Variants in LHFPL4 observed in about 807,000 individuals in gnomAD.
LHFPL4 encodes LHFPL tetraspan subfamily member 4 protein.
A neutral mutation model predicts 20.0 loss-of-function variants in LHFPL4; 6 were observed. The ratio of observed to expected loss-of-function variants is 0.30; its 90% confidence interval spans 0.16 to 0.59. The LOEUF (loss-of-function observed/expected upper bound fraction) is 0.59. LHFPL4 is among the 20% of genes least tolerant of loss of function. The pLI is 0.88. For synonymous variants in LHFPL4, 129 were observed against 143.8 expected, an observed-to-expected ratio of 0.90 and a Z score of 0.74; for missense variants, 215 against 331.2, an observed-to-expected ratio of 0.65 and a Z score of 2.72.
intron 2 of LHFPL4, among the ~76,000 whole-genome samples, chr3:9,514,803 G>T (rs1364849645): frequency 2.0e-5 from 3 of 152,074 alleles, no homozygotes; most frequent in Non-Finnish European, 2.9e-5. Context: ...TGCATTTAAG[G>T]TTCCTCCATA....
intron 2 of LHFPL4, among the ~76,000 whole-genome samples, chr3:9,540,326 T>C (rs558473463): frequency 6.6e-6 from 1 of 152,194 alleles, no homozygotes; most frequent in Non-Finnish European, 1.5e-5. Context: ...ACCAAATGTT[T>C]AGTATATTAC....
chr3:9,528,654 C>T (rs1203387098), intron 2 of LHFPL4, among the ~76,000 whole-genome samples: 2 of 152,254 alleles, frequency 1.3e-5, no homozygotes, highest in Admixed American at 6.5e-5. Context: ...CTTGCTCTGT[C>T]GCCCAGGCTG....
intron 2 of LHFPL4, among the ~76,000 whole-genome samples, chr3:9,514,524 A>G (rs1187024031): frequency 3.9e-5 from 6 of 152,244 alleles, no homozygotes; most frequent in Non-Finnish European, 7.3e-5. Context: ...CAAAGATCAT[A>G]GCTCACATTA....
chr3:9,538,702 C>CTT (rs35357177), intron 2 of LHFPL4, among the ~76,000 whole-genome samples: 3 of 140,108 alleles, frequency 2.1e-5, no homozygotes, highest in East Asian at 2.1e-4. Flanking sequence ...GGTTTTCTTT[C>CTT]TTTTTTTTTT....
chr3:9,530,444 T>C (rs1217397276), intron 2 of LHFPL4, among the ~76,000 whole-genome samples: 1 of 152,226 alleles, frequency 6.6e-6, no homozygotes, highest in Non-Finnish European at 1.5e-5. Flanking sequence ...CTTCTGCAGC[T>C]TCCTCACCTC....
intron 2 of LHFPL4, among the ~76,000 whole-genome samples, chr3:9,518,235 G>T (rs1160765885): frequency 1.3e-5 from 2 of 152,020 alleles, no homozygotes; most frequent in African/African-American, 4.8e-5. Context: ...GCTAAACCAG[G>T]TTGGCATACT....
Position 9,541,630 on chromosome 3 carries a change from A to G in LHFPL4, c.406+10644T>C, listed in dbSNP as rs538632845. ...CTACTAATAATGCAGAAATTAGCCA[A>G]GTGTGGTGGCGTGTGCCTGTAATCC... On this transcript the variant is annotated intron_variant, in intron 2 of 3. Transcript: ENST00000287585. 4.8e-4 allele frequency among the ~76,000 whole-genome samples: 73 copies of G among 152,034 alleles called. 1 individual carries two copies. The highest frequency in any genetic ancestry group is 1.7e-3 in the South Asian group (8 of 4,812).
chr3:9,547,554 C>A (rs989842725), intron 2 of LHFPL4, among the ~76,000 whole-genome samples: 3 of 152,186 alleles, frequency 2.0e-5, no homozygotes, highest in African/African-American at 2.4e-5. Flanking sequence ...AAATGTGTGA[C>A]CTTGGAGCAA....
chr3:9,537,036 T>C (rs1340203410), intron 2 of LHFPL4, among the ~76,000 whole-genome samples: 1 of 151,974 alleles, frequency 6.6e-6, no homozygotes, highest in African/African-American at 2.4e-5. Context: ...CAGTGAGCTA[T>C]GATCGTGCCA....
At chr3:9,509,161 C>G (rs1423125187) in intron 2 of LHFPL4, among the ~76,000 whole-genome samples, 1 of 152,122 alleles carries the variant, frequency 6.6e-6, no homozygotes, top group Non-Finnish European at 1.5e-5. Flanking sequence ...TCCGCCTGCA[C>G]GTTTTTTCTG....
chr3:9,525,025 G>T (rs574847756), intron 2 of LHFPL4, among the ~76,000 whole-genome samples: 2 of 152,146 alleles, frequency 1.3e-5, no homozygotes, highest in Admixed American at 1.3e-4. Flanking sequence ...AGGTGGGACA[G>T]CATGGCTAGA....
At chr3:9,530,927 G>C (rs142160796) in intron 2 of LHFPL4, among the ~76,000 whole-genome samples, 147 of 151,688 alleles carry the variant, frequency 9.7e-4, no homozygotes, top group African/African-American at 3.4e-3. Flanking sequence ...TTTAACGTGA[G>C]AGATGTATGA....
chr3:9,539,868 A>G (rs1053869567), intron 2 of LHFPL4, among the ~76,000 whole-genome samples: 1 of 152,128 alleles, frequency 6.6e-6, no homozygotes, highest in African/African-American at 2.4e-5. Flanking sequence ...ATTCAATCTC[A>G]TTCATAATAA....
Position 9,545,181 on chromosome 3 carries a change from TA to T in LHFPL4, c.406+7092del, listed in dbSNP as rs142067313. Among the ~76,000 whole-genome samples, 478 of 149,122 alleles carry T rather than the reference TA, an allele frequency of 3.2e-3. 2 individuals carry two copies. The highest frequency in any genetic ancestry group is 0.011 in the African/African-American group (454 of 40,244). On this transcript the variant is annotated intron_variant, in intron 2 of 3. Coordinates refer to ENST00000287585, the MANE Select transcript of LHFPL4 (RefSeq NM_198560.3). ...GGAGAACAGAAGAGAGGAAAGAAGG[TA>T]AAACAGTGACTCAAAAGTACTAAAA...
chr3:9,512,800 A>G (rs1033755041), intron 2 of LHFPL4, among the ~76,000 whole-genome samples: 2 of 152,200 alleles, frequency 1.3e-5, no homozygotes, highest in Non-Finnish European at 2.9e-5. Flanking sequence ...CCTGGAATGC[A>G]GATGTGATGG....
At chr3:9,552,245 C>G (rs977539710) in intron 2 of LHFPL4, 29 bp downstream of exon 2, 1 of 1,563,458 alleles carries the variant, frequency 6.4e-7, no homozygotes, top group Admixed American at 1.9e-5. Context: ...GGCGCTTGTT[C>G]TGGGAGTTCC....
intron 2 of LHFPL4, among the ~76,000 whole-genome samples, chr3:9,525,298 A>G (rs1241308782): frequency 6.6e-6 from 1 of 152,148 alleles, no homozygotes; most frequent in African/African-American, 2.4e-5. Flanking sequence ...TTAATGTCTC[A>G]CACTTGTCCA....
At chr3:9,520,341 TTTGTTG>T (rs964238163) in intron 2 of LHFPL4, among the ~76,000 whole-genome samples, 20 of 152,036 alleles carry the variant, frequency 1.3e-4, no homozygotes, top group African/African-American at 4.8e-4. Context: ...CTTGAGGTTT[TTTGTTG>T]TTGTTGTTGT....
intron 2 of LHFPL4, among the ~76,000 whole-genome samples, chr3:9,529,245 T>C (rs1321394307): frequency 6.6e-6 from 1 of 152,056 alleles, no homozygotes; most frequent in Non-Finnish European, 1.5e-5. Context: ...GCCAGGCTGG[T>C]CTCGAACTCC....
Sources: allele counts gnomAD v4.1 joint callset (sites outside exome capture counted in the v4.1 genomes callset), GRCh38; gene constraint gnomAD v4.1.1; transcripts MANE v1.5; gene names NCBI Gene and HGNC (gene_info 2026-07-23, HGNC 2026-07-21).